RPS6KA2: variants seen among roughly 807,000 people sequenced by gnomAD.
RPS6KA2 encodes the protein ribosomal protein S6 kinase A2.
Under a neutral mutation model 91.8 loss-of-function variants are expected in RPS6KA2, and 42 were observed. That is an observed-to-expected ratio of 0.46 (90% CI 0.36 to 0.59). The LOEUF is 0.59. RPS6KA2 is among the 20% of genes least tolerant of loss of function. The probability of loss-of-function intolerance (pLI) is 0.00; values close to 1 mark genes in which losing one functional copy is unlikely to be tolerated. For missense variants in RPS6KA2, 798 were observed against 978.5 expected (o/e 0.82, Z 2.46); for synonymous variants, 414 against 393.6 (o/e 1.05, Z -0.61).
chr6:166,451,730 C>G (rs1295826573), intron 12 of RPS6KA2, among the ~76,000 whole-genome samples: 12 of 152,236 alleles, frequency 7.9e-5, no homozygotes, highest in Non-Finnish European at 1.8e-4. Flanking sequence ...TGCACGTGCT[C>G]TGCTCTCCAA....
In RPS6KA2 at chr6:166,412,775, G is replaced by C. The variant is rs1438424358; in HGVS notation, c.2189C>G (p.Ser730Cys). The C allele has an allele frequency of 6.3e-7, 1 of 1,598,856 alleles. No individual in the cohort carries two copies. The highest frequency in any genetic ancestry group is 1.1e-5 in the South Asian group (1 of 87,930). The change falls in exon 21 of 21, where the codon TCC (serine) becomes TGC (cysteine). Residue 730 changes from serine (S) to cysteine (C), a missense_variant. Ser to Cys is a moderately radical substitution (Grantham distance 112). Coordinates refer to ENST00000265678, the MANE Select transcript of RPS6KA2 (RefSeq NM_021135.6). This position sits in a 1 kb window ranked among gnomAD's most constrained non-coding sequence, Gnocchi z 4.3. Reference protein sequence around the residue: ...AQRRGMKRLTSTRL With the variant: ...AQRRGMKRLTCTRL ...GGGTCCCACCCGCTACAGCCGCGTG[G>C]ACGTGAGTCTCTTCATGCCTCTGCG...
At chr6:166,622,197 T>C (rs1307696106) in intron 1 of RPS6KA2, among the ~76,000 whole-genome samples, 1 of 152,172 alleles carries the variant, frequency 6.6e-6, no homozygotes, top group Non-Finnish European at 1.5e-5. Context: ...CTACGTTTAG[T>C]TGTCTTTTCA....
chr6:166,713,382 T>A (rs1789922519), intron 2 of RPS6KA2, among the ~76,000 whole-genome samples: 1 of 152,190 alleles, frequency 6.6e-6, no homozygotes, highest in Non-Finnish European at 1.5e-5. Flanking sequence ...AAAAGTAAAT[T>A]TAAGGAATTG....
At chr6:166,771,554 C>T (rs974125996) in intron 2 of RPS6KA2, among the ~76,000 whole-genome samples, 4 of 152,174 alleles carry the variant, frequency 2.6e-5, no homozygotes, top group South Asian at 4.1e-4. Flanking sequence ...ACCCTTACTG[C>T]GGCACGTTCA....
chr6:166,562,073 G>A (rs549799421), intron 1 of RPS6KA2, among the ~76,000 whole-genome samples: 1 of 152,274 alleles, frequency 6.6e-6, no homozygotes, highest in South Asian at 2.1e-4. Context: ...ACAGTCACCC[G>A]AAACTATAAG....
At chr6:166,758,432 C>T (rs1049599747) in intron 2 of RPS6KA2, among the ~76,000 whole-genome samples, 1 of 152,220 alleles carries the variant, frequency 6.6e-6, no homozygotes, top group African/African-American at 2.4e-5. Context: ...AGAACATCAG[C>T]CCCTTTCTTG....
In RPS6KA2 at chr6:166,645,428, A is replaced by G. The variant is rs552719991; in HGVS notation, c.124-106644T>C. Among the ~76,000 whole-genome samples, 113 of 152,328 alleles carry G rather than the reference A, an allele frequency of 7.4e-4. 2 individuals carry two copies. In the South Asian group the frequency reaches 0.023, roughly 31 times the overall value. ...TGGAGTTTCCGTTTAGCCGCTTTCT[A>G]TATATTTCCCCTAAGCACTGGTACA... is the stretch of plus-strand genomic sequence containing the variant. On this transcript the variant is annotated intron_variant, in intron 2 of 21. Coordinates refer to the RPS6KA2 transcript ENST00000503859.
intron 2 of RPS6KA2, among the ~76,000 whole-genome samples, chr6:166,657,432 T>C (rs1005364350): frequency 2.6e-5 from 4 of 151,992 alleles, no homozygotes; most frequent in Non-Finnish European, 5.9e-5. Context: ...CACCAAAAGA[T>C]GGTACAGATG....
chr6:166,861,671 G>C (rs1024498631), intron 1 of RPS6KA2, among the ~76,000 whole-genome samples: 1 of 152,096 alleles, frequency 6.6e-6, no homozygotes, highest in Admixed American at 6.5e-5. Context: ...TATGCTCTCT[G>C]TTCCTTGATT....
At chr6:166,524,960 C>T (rs933646641) in intron 3 of RPS6KA2, among the ~76,000 whole-genome samples, 2 of 152,172 alleles carry the variant, frequency 1.3e-5, no homozygotes, top group African/African-American at 2.4e-5. Context: ...CATCAATTCT[C>T]GCGCTCAGAC....
intron 2 of RPS6KA2, among the ~76,000 whole-genome samples, chr6:166,833,107 A>G (rs1477737799): frequency 6.6e-6 from 1 of 152,242 alleles, no homozygotes; most frequent in East Asian, 1.9e-4. Flanking sequence ...GCATGGTACT[A>G]CCACATTTCA....
At chr6:166,783,188 A>G (rs1044295862) in intron 2 of RPS6KA2, among the ~76,000 whole-genome samples, 1 of 151,558 alleles carries the variant, frequency 6.6e-6, no homozygotes, top group African/African-American at 2.4e-5. Context: ...TCCTGGAATC[A>G]AGCAATCCTC....
intron 3 of RPS6KA2, among the ~76,000 whole-genome samples, chr6:166,524,332 A>AG (rs1035688889): frequency 7.9e-5 from 12 of 152,172 alleles, no homozygotes; most frequent in African/African-American, 2.9e-4. Context: ...AATCATCATT[A>AG]CCAAGAAATA....
intron 2 of RPS6KA2, among the ~76,000 whole-genome samples, chr6:166,663,663 ACC>A (rs974443294): frequency 2.0e-5 from 3 of 152,176 alleles, no homozygotes; most frequent in East Asian, 3.8e-4. Flanking sequence ...AGGGGAAAAC[ACC>A]TGCTGGGAAG....
intron 19 of RPS6KA2, 110 bp from the exon 20 acceptor site, chr6:166,414,041 G>A (rs1041510998): frequency 3.1e-6 from 3 of 953,548 alleles, no homozygotes; most frequent in East Asian, 2.6e-5. Flanking sequence ...CAACCACTAT[G>A]CTGAGTGTGG....
chr6:166,639,611 C>T lies in RPS6KA2; in HGVS notation c.124-100827G>A, dbSNP rs1787365289. On this transcript the variant is annotated intron_variant, in intron 2 of 21. Coordinates refer to the RPS6KA2 transcript ENST00000503859. This position sits in a 1 kb window ranked among gnomAD's most constrained non-coding sequence, Gnocchi z 4.2. Reference sequence around the variant, plus strand: ...GTTGCGTTTGCCTCTCCTCCTTCCTCCAGGGTGCAGTCTCTGCTCCTGCCC... The same window carrying T: ...GTTGCGTTTGCCTCTCCTCCTTCCTTCAGGGTGCAGTCTCTGCTCCTGCCC... Among the ~76,000 whole-genome samples the T allele has an allele frequency of 6.6e-6, 1 of 152,182 alleles. No individual in the cohort carries two copies. Among genetic ancestry groups the T allele is most frequent in the South Asian group, 2.1e-4 (1 of 4,828 alleles).
In RPS6KA2 at chr6:166,545,057, G is replaced by A. The variant is rs182266629; in HGVS notation, c.100-6273C>T. On this transcript the variant is annotated intron_variant, in intron 1 of 20. Coordinates refer to ENST00000265678, the MANE Select transcript of RPS6KA2 (RefSeq NM_021135.6). ...GGAAGCAGGAGAAGGAAAGAGAAAG[G>A]AAAATACCGGGTGCCATGTCAAGAT... 1.4e-3 allele frequency among the ~76,000 whole-genome samples: 214 copies of A among 152,264 alleles called. 1 individual carries two copies. Among genetic ancestry groups the A allele is most frequent in the African/African-American group, 4.9e-3 (204 of 41,556 alleles).
intron 10 of RPS6KA2, among the ~76,000 whole-genome samples, chr6:166,471,259 C>T (rs1346332151): frequency 2.6e-5 from 4 of 152,294 alleles, no homozygotes; most frequent in Non-Finnish European, 4.4e-5. Context: ...CCTGGAGTGG[C>T]GCAGGTCACC....
chr6:166,644,447 A>G (rs1361488928), intron 2 of RPS6KA2, among the ~76,000 whole-genome samples: 1 of 152,172 alleles, frequency 6.6e-6, no homozygotes, highest in African/African-American at 2.4e-5. Context: ...TTCCGGGAAC[A>G]ACTGGCTGGA....
Sources: allele counts gnomAD v4.1 joint callset (sites outside exome capture counted in the v4.1 genomes callset), GRCh38; gene constraint gnomAD v4.1.1; non-coding constraint Gnocchi (gnomAD v3.1); transcripts MANE v1.5; gene names NCBI Gene and HGNC (gene_info 2026-07-23, HGNC 2026-07-21).